The following GHDC variants were observed in gnomAD, a reference collection of about 807,000 sequenced individuals.
GHDC encodes the protein GH3 domain-containing protein.
A neutral mutation model predicts 51.5 loss-of-function variants in GHDC; 39 were observed. The ratio of observed to expected loss-of-function variants is 0.76; its 90% CI spans 0.59 to 0.99. The LOEUF (loss-of-function observed/expected upper bound fraction) is 0.99, where lower values mean the gene tolerates loss of function less well. Among genes scored for constraint, GHDC ranks in the 50% least tolerant of loss-of-function variants. The probability of loss-of-function intolerance (pLI) is 0.00; values close to 1 mark genes in which losing one functional copy is unlikely to be tolerated. For missense variants in GHDC, 610 were observed against 672.8 expected, an observed-to-expected ratio of 0.91 and a Z score of 1.03; for synonymous variants, 282 against 305.2, an observed-to-expected ratio of 0.92 and a Z score of 0.79.
chr17:42,193,080 T>C (rs2144170318), intron 3 of GHDC, 53 bp from the exon 4 acceptor site: 1 of 1,613,430 alleles, frequency 6.2e-7, no homozygotes, highest in South Asian at 1.1e-5. Context: ...TCCCAAGAGT[T>C]TCAGGCAAGA....
chr17:42,190,928 G>A (rs747477544), intron 6 of GHDC, 25 bp from the exon 7 acceptor site: 3 of 1,597,732 alleles, frequency 1.9e-6, no homozygotes, highest in Non-Finnish European at 2.6e-6. Flanking sequence ...GTGGGAGTGA[G>A]GTCGGGCCCA....
In GHDC at chr17:42,189,767, G is replaced by T. The variant is rs545336937; in HGVS notation, c.1529C>A (p.Ala510Glu). 4.5e-5 allele frequency: 69 copies of T among 1,534,586 alleles called. No homozygotes were observed. The highest frequency in any genetic ancestry group is 4.1e-4 in the Admixed American group (20 of 48,284). Reference sequence around the variant, plus strand: ...CCTGTGCCGAAGGACCCGGGGCATCGCAGGGGGGAAGGGGGAGGAGGGGCA... The same window carrying T: ...CCTGTGCCGAAGGACCCGGGGCATCTCAGGGGGGAAGGGGGAGGAGGGGCA... Reference protein sequence around the residue: ...AACPSSPFPPAMPRVLRHRHL... With the variant: ...AACPSSPFPPEMPRVLRHRHL... Residue 510 changes from alanine (A) to glutamate (E), a missense_variant, in exon 10 of 10, where the codon GCG becomes GAG. By Grantham distance (107) the Ala-to-Glu change is moderately radical. Transcript: ENST00000587427.
chr17:42,193,461 A>C lies in GHDC; in HGVS notation c.121T>G (p.Trp41Gly), dbSNP rs1449401578. The change falls in exon 3 of 10, where the codon TGG becomes GGG. Residue 41 changes from tryptophan to glycine, a missense_variant. Around this residue, in one of 2 missense-constraint regions of GHDC, gnomAD observed 198 missense variants for 262.3 expected, o/e 0.75. Coordinates refer to ENST00000587427, the MANE Select transcript of GHDC (RefSeq NM_032484.5). ...GTGGCTGCCCAGACCAGGGCCCCCCATGCCACTCGGTGCTGGAGGCCAGCA... is the reference window on the plus strand; with the variant it reads ...GTGGCTGCCCAGACCAGGGCCCCCCCTGCCACTCGGTGCTGGAGGCCAGCA... Reference protein sequence around the residue: ...WLAGLQHRVAWGALVWAATWQ... With the variant: ...WLAGLQHRVAGGALVWAATWQ... The C allele has an allele frequency of 1.9e-6, 3 of 1,556,428 alleles. No individual in the cohort carries two copies. The African/African-American group carries it at 4.1e-5, about 21-fold the overall frequency.
chr17:42,191,267 C>A (rs768817152), intron 5 of GHDC, 57 bp from the exon 6 acceptor site: 1 of 1,440,122 alleles, frequency 6.9e-7, no homozygotes, highest in South Asian at 1.5e-5. Context: ...TTCTGCCAGG[C>A]AATAGCCCCT....
chr17:42,193,553 A>G lies in GHDC; in HGVS notation c.29T>C (p.Leu10Pro). MLLWPLLLL[L>P]LLLPTLALLR... ...CAGGGCCAATGTTGGCAGCAGCAGC[A>G]GCAGCAGCAGCAGTGGCCACAGCAG... is the stretch of plus-strand genomic sequence containing the variant. Residue 10 changes from leucine to proline, a missense_variant, in exon 3 of 10, where the codon CTG (leucine) becomes CCG (proline). This residue lies in a region of GHDC where 198 missense variants were observed against 262.3 expected (regional missense o/e 0.75). Coordinates refer to ENST00000587427, the MANE Select transcript of GHDC (RefSeq NM_032484.5). 1 of 1,540,682 alleles carries G rather than the reference A, an allele frequency of 6.5e-7. No individual in the cohort carries two copies. The highest frequency in any genetic ancestry group is 2.4e-5 in the East Asian group (1 of 41,010).
At chr17:42,191,840 A>G (rs905402362) in intron 5 of GHDC, among the ~76,000 whole-genome samples, 1 of 145,474 alleles carries the variant, frequency 6.9e-6, no homozygotes, top group African/African-American at 2.6e-5. Flanking sequence ...TCAGCTCACT[A>G]TAATTTCTGC....
Position 42,190,403 on chromosome 17 carries a change from G to A in GHDC, c.1289-133C>T, listed in dbSNP as rs993118358. ...AAAGAGTTTCTTGGTGGGGAGTGGG[G>A]TAAATGGAGAGGAACCTAGAGCTTG... On this transcript the variant is annotated intron_variant, in intron 8 of 9. Coordinates refer to ENST00000587427, the MANE Select transcript of GHDC (RefSeq NM_032484.5). The A allele has an allele frequency of 3.2e-6, 5 of 1,548,378 alleles. No homozygotes were observed. The African/African-American group carries it at 4.1e-5, about 13-fold the overall frequency.
In GHDC at chr17:42,189,279, A is replaced by G; in HGVS notation, c.*424T>C. On this transcript the variant is annotated 3_prime_UTR_variant, in exon 10 of 10. Transcript: ENST00000587427. ...ATACACTTCAGAATTGTCCTGCTCAAGGACAATGAAGCTGAGGTCCTGCTC... is the reference window on the plus strand; with the variant it reads ...ATACACTTCAGAATTGTCCTGCTCAGGGACAATGAAGCTGAGGTCCTGCTC... 1 of 396,406 alleles carries G rather than the reference A, an allele frequency of 2.5e-6. No individual in the cohort carries two copies. 24.6% of individuals were successfully genotyped at this position (396,406 alleles called of 1,614,324 possible).
chr17:42,189,770 G>C lies in GHDC; in HGVS notation c.1526C>G (p.Pro509Arg), dbSNP rs1396378124. The C allele has an allele frequency of 5.2e-6, 8 of 1,531,768 alleles. No homozygotes were observed. The highest frequency in any genetic ancestry group is 7.0e-6 in the Non-Finnish European group (8 of 1,139,306). 94.9% of individuals were successfully genotyped at this position (1,531,768 alleles called of 1,614,324 possible). A position where few individuals can be genotyped will look rare whatever the true frequency, so the allele number is the denominator to read the frequency against. ...GTGCCGAAGGACCCGGGGCATCGCA[G>C]GGGGGAAGGGGGAGGAGGGGCAGGC... Reference protein sequence around the residue: ...LAACPSSPFPPAMPRVLRHRH... With the variant: ...LAACPSSPFPRAMPRVLRHRH... Residue 509 changes from proline (P) to arginine (R), a missense_variant, in exon 10 of 10, where the codon CCT (proline) becomes CGT (arginine). Physicochemically the swap from Pro to Arg is moderately radical, Grantham distance 103. This residue lies in a region of GHDC where 412 missense variants were observed against 410.4 expected (regional missense o/e 1.00). Transcript: ENST00000587427.
In GHDC at chr17:42,191,145, G is replaced by C; in HGVS notation, c.955C>G (p.Pro319Ala). The C allele has an allele frequency of 6.4e-7, 1 of 1,552,312 alleles. No homozygotes were observed. Reference sequence around the variant, plus strand: ...TTGACTGGGAGCAGCTCGATAAAGGGGGCCCCAGGGGGCAGAAGGTAGAGC... The same window carrying C: ...TTGACTGGGAGCAGCTCGATAAAGGCGGCCCCAGGGGGCAGAAGGTAGAGC... ...HGLYLLPPGA[P>A]FIELLPVKEG... Residue 319 changes from proline (P) to alanine (A), a missense_variant, in exon 6 of 10, where the codon CCC (proline) becomes GCC (alanine). Around this residue, in one of 2 missense-constraint regions of GHDC, gnomAD observed 412 missense variants for 410.4 expected, o/e 1.00. Coordinates refer to ENST00000587427, the MANE Select transcript of GHDC (RefSeq NM_032484.5).
In GHDC at chr17:42,190,745, G is replaced by C. The variant is rs1567648201; in HGVS notation, c.1167C>G (p.Thr389=). ...CAATATCTTCCCCTCGCACACTCAG[G>C]GTCTGGTCCAGCCTGAAGAGGAGGA... The part of the protein sequence containing the change: ...VVRFICRLDQ[T]LSVRGEDIGE... Residue 389 remains threonine (T), a synonymous_variant, in exon 8 of 10, where the codon ACC becomes ACG. Transcript: ENST00000587427. 1 of 1,614,096 alleles carries C rather than the reference G, an allele frequency of 6.2e-7. No individual in the cohort carries two copies.
At position 42,190,862 on chromosome 17, in the gene GHDC, T is replaced by C. The variant is rs1281223776; in HGVS notation, c.1124A>G (p.Asn375Ser). 6.2e-7 allele frequency: 1 copy of C among 1,612,008 alleles called. No homozygotes were observed. Among genetic ancestry groups the C allele is most frequent in the Non-Finnish European group, 8.5e-7 (1 of 1,179,450 alleles). Residue 375 changes from asparagine to serine, a missense_variant, in exon 7 of 10, where the codon AAT (asparagine) becomes AGT (serine). Physicochemically the swap from Asn to Ser is conservative, Grantham distance 46 (BLOSUM62 1). Coordinates refer to ENST00000587427, the MANE Select transcript of GHDC (RefSeq NM_032484.5). ...GDVVRVVGAY[N>S]QCPVVRFICR... ...GATGAACCTGACGACTGGACACTGA[T>C]TGTAGGCACCAACCACTCGCACCAC...
Position 42,190,252 on chromosome 17 carries a change from G to C in GHDC, c.1307C>G (p.Ala436Gly). 6.2e-7 allele frequency: 1 copy of C among 1,614,194 alleles called. No homozygotes were observed. Among genetic ancestry groups the C allele is most frequent in the Non-Finnish European group, 8.5e-7 (1 of 1,180,024 alleles). ...CGCCACAAACACCTCGTAGTGGGGA[G>C]CAGAGCCCGCAGAGGAATCTGTGAA... ...SSILDSSAGSAPHYEVFVALR... is the reference protein window; with the variant it reads ...SSILDSSAGSGPHYEVFVALR... Residue 436 changes from alanine to glycine, a missense_variant, in exon 9 of 10, where the codon GCT (alanine) becomes GGT (glycine). This residue lies in a region of GHDC where 412 missense variants were observed against 410.4 expected (regional missense o/e 1.00). Transcript: ENST00000587427.
Position 42,192,264 on chromosome 17 carries a change from GAGA to G in GHDC, c.863_865del (p.Phe288del), listed in dbSNP as rs769176969. ...ACCTCCCGAGGCAGCATAAGCAGGA[GAGA>G]AGAAGGCTAGTCCTTGGCACCACAA... On this transcript the variant is annotated inframe_deletion, in exon 5 of 10. Coordinates refer to ENST00000587427, the MANE Select transcript of GHDC (RefSeq NM_032484.5). The G allele has an allele frequency of 4.5e-6, 7 of 1,554,304 alleles. No individual in the cohort carries two copies. The East Asian group carries it at 9.0e-5, about 20-fold the overall frequency.
chr17:42,189,767 G>A lies in GHDC; in HGVS notation c.1529C>T (p.Ala510Val), dbSNP rs545336937. The change falls in exon 10 of 10, where the codon GCG (alanine) becomes GTG (valine). Residue 510 changes from alanine (A) to valine (V), a missense_variant. This residue lies in a region of GHDC where 412 missense variants were observed against 410.4 expected (regional missense o/e 1.00). Transcript: ENST00000587427. ...AACPSSPFPPAMPRVLRHRHL... is the reference protein window; with the variant it reads ...AACPSSPFPPVMPRVLRHRHL... Reference sequence around the variant, plus strand: ...CCTGTGCCGAAGGACCCGGGGCATCGCAGGGGGGAAGGGGGAGGAGGGGCA... The same window carrying A: ...CCTGTGCCGAAGGACCCGGGGCATCACAGGGGGGAAGGGGGAGGAGGGGCA... The A allele has an allele frequency of 4.6e-6, 7 of 1,534,468 alleles. No individual in the cohort carries two copies. Among genetic ancestry groups the A allele is most frequent in the Middle Eastern group, 2.4e-4 (1 of 4,190 alleles).
chr17:42,192,411 A>C lies in GHDC; in HGVS notation c.719T>G (p.Leu240Arg). 6.2e-7 allele frequency: 1 copy of C among 1,613,148 alleles called. No homozygotes were observed. The highest frequency in any genetic ancestry group is 8.5e-7 in the Non-Finnish European group (1 of 1,179,992). The stretch of plus-strand genomic sequence containing the variant: ...TGGCCCCTGCTCTAGGGCCTCCCGG[A>C]GCTCAGCTGCCCGTTCACGGAGAGG... ...GAPLRERAAE[L>R]REALEQGPRG... Residue 240 changes from leucine to arginine, a missense_variant, in exon 5 of 10, where the codon CTC becomes CGC. Coordinates refer to ENST00000587427, the MANE Select transcript of GHDC (RefSeq NM_032484.5).
intron 3 of GHDC, 107 bp downstream of exon 3, chr17:42,193,210 C>G: frequency 6.6e-7 from 1 of 1,521,818 alleles, no homozygotes; most frequent in South Asian, 1.2e-5. Flanking sequence ...GGTCAGGCCA[C>G]TCCGTTGGCA....
Position 42,191,221 on chromosome 17 carries a change from A to C in GHDC, c.890-11T>G, listed in dbSNP as rs767454970. The stretch of plus-strand genomic sequence containing the variant: ...TTAGGCCCAGCACCCCTGTGAAAGC[A>C]AAGCAGCCTCCTCAGCGTCTGCTGG... On this transcript the variant is annotated splice_polypyrimidine_tract_variant and intron_variant, in intron 5 of 9. Transcript: ENST00000587427. 2.0e-6 allele frequency: 3 copies of C among 1,491,086 alleles called. No individual in the cohort carries two copies. In the South Asian group the frequency reaches 4.1e-5, roughly 20 times the overall value. The allele number at this position is 1,491,086 out of a possible 1,614,324, so 92.4% of individuals were successfully genotyped here.
At chr17:42,190,524 T>G in intron 8 of GHDC, 100 bp downstream of exon 8, 1 of 1,453,174 alleles carries the variant, frequency 6.9e-7, no homozygotes, top group Non-Finnish European at 9.2e-7. Context: ...GTAGGAGTAG[T>G]AAAGGAGGCT....
Sources: gnomAD v4.1 joint callset for allele counts (sites outside exome capture counted in the v4.1 genomes callset) on GRCh38, gnomAD v4.1.1 for gene constraint, gnomAD v4.1.1 regional missense constraint, MANE v1.5 for transcripts, NCBI Gene and HGNC (gene_info 2026-07-23, HGNC 2026-07-21) for gene names.